Variants in THSD7A observed in about 807,000 individuals in gnomAD.
THSD7A encodes thrombospondin type 1 domain containing 7A.
THSD7A carries 96 observed loss-of-function variants against 231.3 expected under a neutral mutation model. The ratio of observed to expected loss-of-function variants is 0.41; its 90% CI spans 0.35 to 0.49. THSD7A has a LOEUF of 0.49. THSD7A is among the 20% of genes least tolerant of loss of function. The pLI is 0.05. For synonymous variants in THSD7A, 940 were observed against 743.3 expected (o/e 1.26, Z -4.30); for missense variants, 2,290 against 2,070.2 (o/e 1.11, Z -2.06).
At chr7:11,413,551 G>T (rs866032150) in intron 17 of THSD7A, among the ~76,000 whole-genome samples, 1 of 151,988 alleles carries the variant, frequency 6.6e-6, no homozygotes, top group Non-Finnish European at 1.5e-5. Context: ...CCTTCATCTC[G>T]CTTTTCTCTT....
At chr7:11,379,028 G>C in intron 26 of THSD7A, 42 bp downstream of exon 26, 1 of 1,596,506 alleles carries the variant, frequency 6.3e-7, no homozygotes, top group East Asian at 2.2e-5. Context: ...TTGCCTAAAA[G>C]AACTAAAGGT....
Position 11,411,288 on chromosome 7 carries a change from A to G in THSD7A, c.3717T>C (p.Val1239=). Residue 1239 remains valine, a synonymous_variant, in exon 19 of 28, where the codon GTT becomes GTC. Transcript: ENST00000423059. The surrounding 1 kb of genome is among the most constrained non-coding windows in gnomAD (Gnocchi z 4.1). ...WSTCQLSEKA[V]CGNGIKTRML... ...TCCTTGTTTTTATTCCATTTCCACA[A>G]ACTGCCTTCTCACTCAGCTGACATG... The G allele has an allele frequency of 6.2e-7, 1 of 1,613,890 alleles. No individual in the cohort carries two copies. Among genetic ancestry groups the G allele is most frequent in the Non-Finnish European group, 8.5e-7 (1 of 1,179,834 alleles).
chr7:11,527,633 T>C (rs894051187), intron 6 of THSD7A, among the ~76,000 whole-genome samples: 4 of 138,966 alleles, frequency 2.9e-5, no homozygotes, highest in African/African-American at 7.3e-5. Flanking sequence ...TTTAGTATAA[T>C]CTAGGGGTTT....
intron 22 of THSD7A, among the ~76,000 whole-genome samples, chr7:11,405,406 C>T (rs998914383): frequency 1.3e-5 from 2 of 151,982 alleles, no homozygotes; most frequent in Non-Finnish European, 2.9e-5. Flanking sequence ...GAAAGAGATG[C>T]AATCTTTAAA....
rs148903220 is a variant in THSD7A, at chr7:11,709,379, T to C, written c.191-72418A>G. Among the ~76,000 whole-genome samples the C allele has an allele frequency of 5.3e-5, 8 of 150,902 alleles. No homozygotes were observed. The East Asian group carries it at 1.6e-3, about 30-fold the overall frequency. ...AGATAATAAAAATCTACTGGCATGA[T>C]TTACACACCACTGAGTGTCAGGGCT... On this transcript the variant is annotated intron_variant, in intron 1 of 27. Transcript: ENST00000423059.
At chr7:11,649,093 G>T (rs1456672181) in intron 1 of THSD7A, among the ~76,000 whole-genome samples, 2 of 151,972 alleles carry the variant, frequency 1.3e-5, no homozygotes, top group Non-Finnish European at 2.9e-5. Context: ...TACAAGTTTA[G>T]ATTATGAAAG....
chr7:11,446,054 G>T lies in THSD7A; in HGVS notation c.3064+7C>A, dbSNP rs1459949223. The T allele has an allele frequency of 8.7e-6, 14 of 1,612,922 alleles. No individual in the cohort carries two copies. Among genetic ancestry groups the T allele is most frequent in the Admixed American group, 1.7e-5 (1 of 59,914 alleles). ...TAGCAAATATGTAACAATGAAGATT[G>T]AATTACCATGGCTGTTACATCTAGA... On this transcript the variant is annotated splice_region_variant and intron_variant, in intron 13 of 27. Transcript: ENST00000423059. This position sits in a 1 kb window ranked among gnomAD's most constrained non-coding sequence, Gnocchi z 4.0.
chr7:11,387,326 G>A (rs1782788991), intron 23 of THSD7A, among the ~76,000 whole-genome samples: 1 of 152,088 alleles, frequency 6.6e-6, no homozygotes, highest in Admixed American at 6.5e-5. Context: ...TCACAATATT[G>A]ATTCTTCCTA....
intron 8 of THSD7A, among the ~76,000 whole-genome samples, chr7:11,472,624 G>A (rs149859169): frequency 6.6e-5 from 10 of 152,212 alleles, no homozygotes; most frequent in African/African-American, 2.4e-4. Context: ...AATTATTGTG[G>A]TAGTATCACA....
At chr7:11,780,619 C>T (rs1783592648) in intron 1 of THSD7A, among the ~76,000 whole-genome samples, 1 of 152,206 alleles carries the variant, frequency 6.6e-6, no homozygotes, top group Admixed American at 6.5e-5. Context: ...CATCTAGGCT[C>T]TTGACTGCAT....
At chr7:11,689,705 T>C (rs552846328) in intron 1 of THSD7A, among the ~76,000 whole-genome samples, 5 of 150,722 alleles carry the variant, frequency 3.3e-5, no homozygotes, top group East Asian at 2.0e-4. Flanking sequence ...TTTCAAAAAA[T>C]ATAAGAGTTC....
chr7:11,402,136 C>T (rs1008067814), intron 22 of THSD7A, among the ~76,000 whole-genome samples, 168 bp from the exon 23 acceptor site: 7 of 152,068 alleles, frequency 4.6e-5, no homozygotes, highest in African/African-American at 1.4e-4. Flanking sequence ...AATTGTATAA[C>T]TTTGTATATG....
intron 4 of THSD7A, among the ~76,000 whole-genome samples, chr7:11,581,741 A>C (rs1165245245): frequency 6.6e-6 from 1 of 152,088 alleles, no homozygotes; most frequent in Non-Finnish European, 1.5e-5. Flanking sequence ...ATCAAATGCC[A>C]TTTAATTGAT....
chr7:11,811,177 T>C (rs1288148876), intron 1 of THSD7A, among the ~76,000 whole-genome samples: 3 of 152,170 alleles, frequency 2.0e-5, no homozygotes, highest in Non-Finnish European at 4.4e-5. Context: ...AACCAGACTT[T>C]GATTAAGAAA....
At chr7:11,609,135 G>C (rs990125381) in intron 2 of THSD7A, among the ~76,000 whole-genome samples, 1 of 148,888 alleles carries the variant, frequency 6.7e-6, no homozygotes, top group Non-Finnish European at 1.5e-5. Flanking sequence ...TATTAATCCT[G>C]CTCAAGAACC....
At chr7:11,769,540 G>A (rs922649277) in intron 1 of THSD7A, among the ~76,000 whole-genome samples, 5 of 151,848 alleles carry the variant, frequency 3.3e-5, no homozygotes, top group African/African-American at 4.8e-5. Flanking sequence ...TCTCAAGAAA[G>A]GGTCCTTAGG....
intron 1 of THSD7A, among the ~76,000 whole-genome samples, chr7:11,691,785 G>A (rs979375925): frequency 6.6e-6 from 1 of 151,148 alleles, no homozygotes; most frequent in Admixed American, 6.6e-5. Flanking sequence ...CCATATATGA[G>A]TAAAACTTTT....
chr7:11,410,203 A>C (rs1298102173), intron 19 of THSD7A, among the ~76,000 whole-genome samples: 1 of 152,220 alleles, frequency 6.6e-6, no homozygotes, highest in Non-Finnish European at 1.5e-5. Context: ...AACTAAACAA[A>C]TTTGTGTTTT....
chr7:11,429,054 G>A lies in THSD7A; in HGVS notation c.3136C>T (p.Arg1046Cys), dbSNP rs370952825. Residue 1046 changes from arginine (R) to cysteine (C), a missense_variant, in exon 14 of 28, where the codon CGC (arginine) becomes TGC (cysteine). Arg to Cys is a radical substitution (Grantham distance 180). Coordinates refer to ENST00000423059, the MANE Select transcript of THSD7A (RefSeq NM_015204.3). Reference sequence around the variant, plus strand: ...CCACTCCCACAGGACTTGCTGCAGCGCGACCAGTTGGACCACTCACTGAGC... The same window carrying A: ...CCACTCCCACAGGACTTGCTGCAGCACGACCAGTTGGACCACTCACTGAGC... Reference protein sequence around the residue: ...CKLSEWSNWSRCSKSCGSGVK... With the variant: ...CKLSEWSNWSCCSKSCGSGVK... 10 of 1,612,910 alleles carry A rather than the reference G, an allele frequency of 6.2e-6. No homozygotes were observed. Among genetic ancestry groups the A allele is most frequent in the East Asian group, 2.2e-5 (1 of 44,824 alleles).
Sources: gnomAD v4.1 joint callset for allele counts (sites outside exome capture counted in the v4.1 genomes callset) on GRCh38, gnomAD v4.1.1 for gene constraint, Gnocchi (gnomAD v3.1) non-coding constraint, MANE v1.5 for transcripts, NCBI Gene and HGNC (gene_info 2026-07-23, HGNC 2026-07-21) for gene names.